Variants in PHACTR1 observed in about 807,000 individuals in gnomAD.
PHACTR1 encodes phosphatase and actin regulator 1.
Under a neutral mutation model 69.2 loss-of-function variants are expected in PHACTR1, and 16 were observed. That is an observed-to-expected ratio of 0.23 (90% CI 0.16 to 0.35). PHACTR1 has a LOEUF of 0.35. Among genes scored for constraint, PHACTR1 ranks in the 10% least tolerant of loss-of-function variants. The pLI is 1.00. For missense variants in PHACTR1, 510 were observed against 734.7 expected (o/e 0.69, Z 3.54); for synonymous variants, 312 against 284.5 (o/e 1.10, Z -0.97).
chr6:13,280,694 A>G (rs1779961549), intron 12 of PHACTR1: 1 of 327,956 alleles, frequency 3.0e-6, no homozygotes, highest in Admixed American at 4.4e-5. Context: ...TGAGACTAAT[A>G]TAAAAATTAC....
At chr6:13,036,840 G>A (rs1475356166) in intron 4 of PHACTR1, among the ~76,000 whole-genome samples, 1 of 152,124 alleles carries the variant, frequency 6.6e-6, no homozygotes, top group East Asian at 1.9e-4. Context: ...GAATATTCCA[G>A]GAGATGGGAA....
intron 4 of PHACTR1, among the ~76,000 whole-genome samples, chr6:12,889,215 T>G (rs1783929856): frequency 6.6e-6 from 1 of 152,160 alleles, no homozygotes; most frequent in African/African-American, 2.4e-5. Flanking sequence ...AAGCTGCAAT[T>G]AGCTGTGTTT....
intron 6 of PHACTR1, among the ~76,000 whole-genome samples, chr6:13,166,318 A>G (rs971302935): frequency 6.6e-6 from 1 of 152,060 alleles, no homozygotes; most frequent in Non-Finnish European, 1.5e-5. Flanking sequence ...ACGCCTGTAA[A>G]TTATGTATTT....
Position 13,283,315 on chromosome 6 carries a change from A to G in PHACTR1, c.1510-107A>G. 1.9e-6 allele frequency: 2 copies of G among 1,055,386 alleles called. No homozygotes were observed. The highest frequency in any genetic ancestry group is 2.8e-5 in the South Asian group (2 of 72,272). The allele number at this position is 1,055,386 out of a possible 1,614,324, so 65.4% of individuals were successfully genotyped here. On this transcript the variant is annotated intron_variant, in intron 12 of 14. Coordinates refer to ENST00000332995, the MANE Select transcript of PHACTR1 (RefSeq NM_030948.6). This position sits in a 1 kb window ranked among gnomAD's most constrained non-coding sequence, Gnocchi z 4.7. ...CCCTCACTCACTATGCGATGCATCCATCGCCTCACTGAACCTTATTTTCCA... is the reference window on the plus strand; with the variant it reads ...CCCTCACTCACTATGCGATGCATCCGTCGCCTCACTGAACCTTATTTTCCA...
chr6:13,138,322 A>G (rs540313777), intron 5 of PHACTR1, among the ~76,000 whole-genome samples: 61 of 152,336 alleles, frequency 4.0e-4, no homozygotes, highest in Admixed American at 3.3e-3. Flanking sequence ...AGATACATGT[A>G]CATCTCAAAG....
intron 5 of PHACTR1, among the ~76,000 whole-genome samples, chr6:13,067,636 A>T (rs990698317): frequency 3.9e-5 from 6 of 152,222 alleles, no homozygotes; most frequent in African/African-American, 1.4e-4. Context: ...TTTGTTGAAT[A>T]GCTAAGAAAG....
intron 12 of PHACTR1, chr6:13,281,109 G>T: frequency 1.6e-6 from 2 of 1,289,536 alleles, no homozygotes; most frequent in African/African-American, 1.5e-5. Flanking sequence ...ATAAGAAACA[G>T]CCCCTGACCT....
intron 7 of PHACTR1, among the ~76,000 whole-genome samples, chr6:13,198,120 C>T (rs568254524): frequency 4.5e-4 from 69 of 152,298 alleles, no homozygotes; most frequent in Admixed American, 1.2e-3. Context: ...GATAAACAAA[C>T]GTTTATTGGG....
chr6:12,878,996 G>A (rs1334419552), intron 4 of PHACTR1, among the ~76,000 whole-genome samples: 2 of 152,142 alleles, frequency 1.3e-5, no homozygotes, highest in African/African-American at 2.4e-5. Flanking sequence ...GAAAAGGCAC[G>A]TGGAGCACTG....
At chr6:12,921,462 TGGAAGGAA>T (rs992368215) in intron 4 of PHACTR1, among the ~76,000 whole-genome samples, 1 of 114,698 alleles carries the variant, frequency 8.7e-6, no homozygotes, top group Admixed American at 1.1e-4. Flanking sequence ...GAGGGAAGGA[TGGAAGGAA>T]GGAAGGAAGG....
At chr6:12,803,117 G>A (rs916983377) in intron 4 of PHACTR1, among the ~76,000 whole-genome samples, 17 of 152,146 alleles carry the variant, frequency 1.1e-4, no homozygotes, top group Admixed American at 2.6e-4. Flanking sequence ...AAGCCACACT[G>A]TCTTATCTGT....
chr6:13,180,901 T>C (rs1009153381), intron 6 of PHACTR1, among the ~76,000 whole-genome samples: 1 of 152,224 alleles, frequency 6.6e-6, no homozygotes, highest in African/African-American at 2.4e-5. Flanking sequence ...TGCACTGCTT[T>C]TGCTTTCTTA....
chr6:12,794,315 G>A (rs1192488667), intron 4 of PHACTR1, among the ~76,000 whole-genome samples: 1 of 152,216 alleles, frequency 6.6e-6, no homozygotes. Flanking sequence ...GAAGTGTTAA[G>A]GGTATCCTTG....
chr6:13,117,099 A>G (rs1006792390), intron 5 of PHACTR1, among the ~76,000 whole-genome samples: 1 of 152,190 alleles, frequency 6.6e-6, no homozygotes, highest in African/African-American at 2.4e-5. Context: ...TGCCAAGGAC[A>G]AGGTGTCCCA....
chr6:12,772,968 C>T (rs907883308), intron 4 of PHACTR1, among the ~76,000 whole-genome samples: 2 of 152,092 alleles, frequency 1.3e-5, no homozygotes, highest in African/African-American at 4.8e-5. Flanking sequence ...CTAGCAAATC[C>T]AGAAGGATTT....
intron 4 of PHACTR1, among the ~76,000 whole-genome samples, chr6:12,968,884 A>G (rs760066183): frequency 2.6e-5 from 4 of 152,242 alleles, no homozygotes; most frequent in South Asian, 2.1e-4. Context: ...CTTCTTTTAA[A>G]AAAGAAAGAA....
At chr6:13,056,637 C>T (rs944322300) in intron 5 of PHACTR1, among the ~76,000 whole-genome samples, 1 of 152,138 alleles carries the variant, frequency 6.6e-6, no homozygotes, top group African/African-American at 2.4e-5. Context: ...GCAATAGGGT[C>T]TTGCAGTGGG....
At chr6:13,185,137 T>A in intron 7 of PHACTR1, 1 of 619,880 alleles carries the variant, frequency 1.6e-6, no homozygotes, top group Non-Finnish European at 2.4e-6. Flanking sequence ...TTTGGGTGTT[T>A]CTGTGTGTGT....
At chr6:13,193,949 G>A (rs555582501) in intron 7 of PHACTR1, among the ~76,000 whole-genome samples, 5 of 152,086 alleles carry the variant, frequency 3.3e-5, no homozygotes, top group Admixed American at 6.5e-5. Context: ...CTTCTCTTCC[G>A]GTCTCCCTAG....
Sources: allele counts gnomAD v4.1 joint callset (sites outside exome capture counted in the v4.1 genomes callset), GRCh38; gene constraint gnomAD v4.1.1; non-coding constraint Gnocchi (gnomAD v3.1); transcripts MANE v1.5; gene names NCBI Gene and HGNC (gene_info 2026-07-23, HGNC 2026-07-21).